Variants in SLC14A2 observed in about 807,000 individuals in gnomAD.
The protein encoded by SLC14A2 is urea transporter 2.
A neutral mutation model predicts 104.6 loss-of-function variants in SLC14A2; 91 were observed. The ratio of observed to expected loss-of-function variants is 0.87; its 90% CI spans 0.73 to 1.04. The LOEUF is 1.04. Ranked by LOEUF, SLC14A2 falls within the 50% of genes least tolerant of loss-of-function variation. The pLI, the probability that SLC14A2 is intolerant of heterozygous loss-of-function variation, is 0.00. For synonymous variants in SLC14A2, 476 were observed against 466.4 expected, an observed-to-expected ratio of 1.02 and a Z score of -0.27; for missense variants, 1,189 against 1,156.0, an observed-to-expected ratio of 1.03 and a Z score of -0.41.
At chr18:45,221,287 A>T (rs1421833959) in intron 1 of SLC14A2, among the ~76,000 whole-genome samples, 1 of 152,208 alleles carries the variant, frequency 6.6e-6, no homozygotes, top group Non-Finnish European at 1.5e-5. Context: ...GGAATAGCTC[A>T]TGGCTTCTAG....
chr18:45,193,881 A>G, the SLC14A2 span, among the ~76,000 whole-genome samples: 1 of 151,604 alleles, frequency 6.6e-6, no homozygotes, highest in Non-Finnish European at 1.5e-5. Context: ...GCCTTCTTCA[A>G]TTTCTCTCAG....
intron 1 of SLC14A2, among the ~76,000 whole-genome samples, chr18:45,277,150 G>A (rs996685296): frequency 1.3e-5 from 2 of 152,178 alleles, no homozygotes; most frequent in African/African-American, 4.8e-5. Flanking sequence ...TGGCGGATAA[G>A]AAATAAATAA....
intron 1 of SLC14A2, among the ~76,000 whole-genome samples, chr18:45,457,703 AG>A (rs751462587): frequency 7.3e-6 from 1 of 137,142 alleles, no homozygotes; most frequent in Non-Finnish European, 1.6e-5. Flanking sequence ...AAAAAAAAAA[AG>A]GAAATCTGCA....
intron 1 of SLC14A2, among the ~76,000 whole-genome samples, chr18:45,215,982 G>C (rs921795312): frequency 1.3e-5 from 2 of 152,168 alleles, no homozygotes; most frequent in African/African-American, 2.4e-5. Flanking sequence ...TACATAACAT[G>C]AAACATTCCA....
intron 2 of SLC14A2, among the ~76,000 whole-genome samples, chr18:45,522,621 G>T (rs968295238): frequency 4.6e-5 from 7 of 152,118 alleles, no homozygotes; most frequent in Admixed American, 2.0e-4. Flanking sequence ...AATAGATGAT[G>T]GTTTTGGTAA....
chr18:45,573,143 A>AGATT (rs916664304), intron 2 of SLC14A2, among the ~76,000 whole-genome samples: 8 of 152,200 alleles, frequency 5.3e-5, no homozygotes, highest in African/African-American at 1.9e-4. Context: ...TTCAACTAAT[A>AGATT]GATTGATTCA....
At chr18:45,334,672 A>C (rs2085321426) in intron 1 of SLC14A2, among the ~76,000 whole-genome samples, 1 of 152,164 alleles carries the variant, frequency 6.6e-6, no homozygotes. Flanking sequence ...TCTTTTATCC[A>C]TAAAATAGGT....
At chr18:45,596,463 G>A (rs570305504) in intron 2 of SLC14A2, among the ~76,000 whole-genome samples, 2 of 152,310 alleles carry the variant, frequency 1.3e-5, no homozygotes, top group South Asian at 4.1e-4. Context: ...TGTGATATAT[G>A]AAACCCAATG....
the SLC14A2 span, among the ~76,000 whole-genome samples, chr18:45,176,213 G>A: frequency 2.3e-4 from 35 of 152,268 alleles, no homozygotes; most frequent in Admixed American, 7.2e-4. Context: ...GGAATACTTT[G>A]CAAATGCTAA....
At chr18:45,613,072 TCG>T (rs2044998045), upstream of SLC14A2, among the ~76,000 whole-genome samples, 1 of 152,186 alleles carries the variant, frequency 6.6e-6, no homozygotes, top group Non-Finnish European at 1.5e-5. Context: ...TCTCACTCTG[TCG>T]CCCAGGCTGG....
intron 1 of SLC14A2, among the ~76,000 whole-genome samples, chr18:45,353,546 C>G (rs1260206808): frequency 6.6e-6 from 1 of 152,218 alleles, no homozygotes; most frequent in African/African-American, 2.4e-5. Context: ...CCAGTTATAA[C>G]TTACAGATTA....
chr18:45,680,026 A>T (rs2046289048), intron 19 of SLC14A2, among the ~76,000 whole-genome samples: 2 of 152,190 alleles, frequency 1.3e-5, no homozygotes, highest in Admixed American at 1.3e-4. Flanking sequence ...TAGGTGCTCA[A>T]GCAATACTGG....
At chr18:45,512,465 A>C (rs1265016982) in intron 2 of SLC14A2, among the ~76,000 whole-genome samples, 1 of 152,190 alleles carries the variant, frequency 6.6e-6, no homozygotes, top group Non-Finnish European at 1.5e-5. Context: ...AGTTTAAAAG[A>C]GAGAGAGGCT....
At chr18:45,353,428 G>C (rs1598711591) in intron 1 of SLC14A2, among the ~76,000 whole-genome samples, 1 of 152,302 alleles carries the variant, frequency 6.6e-6, no homozygotes, top group Non-Finnish European at 1.5e-5. Flanking sequence ...ATTTTGTACA[G>C]TTCTTTGGGA....
intron 1 of SLC14A2, among the ~76,000 whole-genome samples, chr18:45,451,278 A>G (rs2086853512): frequency 6.6e-6 from 1 of 152,106 alleles, no homozygotes. Context: ...CCTGTCCCTA[A>G]GAGAGGGGGT....
At chr18:45,327,001 T>A (rs2085241331) in intron 1 of SLC14A2, among the ~76,000 whole-genome samples, 1 of 152,032 alleles carries the variant, frequency 6.6e-6, no homozygotes, top group Non-Finnish European at 1.5e-5. Context: ...AATCAATCAA[T>A]CAGTCATTCT....
intron 1 of SLC14A2, among the ~76,000 whole-genome samples, chr18:45,319,057 G>A (rs1464049726): frequency 6.6e-6 from 1 of 152,170 alleles, no homozygotes. Flanking sequence ...TGCCAGGTGA[G>A]CCTCAGGCTG....
intron 1 of SLC14A2, among the ~76,000 whole-genome samples, chr18:45,292,713 C>A (rs151084985): frequency 6.6e-6 from 1 of 152,098 alleles, no homozygotes; most frequent in Non-Finnish European, 1.5e-5. Flanking sequence ...GTGGTGGGAC[C>A]GGCTACATTG....
intron 1 of SLC14A2, among the ~76,000 whole-genome samples, chr18:45,389,595 G>C (rs917257629): frequency 1.3e-5 from 2 of 152,162 alleles, no homozygotes; most frequent in African/African-American, 4.8e-5. Context: ...TGACATTTTA[G>C]GAATTTTCTA....
Sources: allele counts gnomAD v4.1 joint callset (sites outside exome capture counted in the v4.1 genomes callset), GRCh38; gene constraint gnomAD v4.1.1; transcripts MANE v1.5; gene names NCBI Gene and HGNC (gene_info 2026-07-23, HGNC 2026-07-21).